Variants in NCOR2 observed in about 807,000 individuals in gnomAD.
The protein encoded by NCOR2 is CTG repeat protein 26.
A neutral mutation model predicts 262.9 loss-of-function variants in NCOR2; 81 were observed. The ratio of observed to expected loss-of-function variants is 0.31; its 90% CI spans 0.26 to 0.37. The LOEUF (loss-of-function observed/expected upper bound fraction) is 0.37. Among genes scored for constraint, NCOR2 ranks in the 10% least tolerant of loss-of-function variants. The pLI, the probability that NCOR2 is intolerant of heterozygous loss-of-function variation, is 1.00. For synonymous variants in NCOR2, 1,659 were observed against 1,559.3 expected (o/e 1.06, Z -1.51); for missense variants, 3,385 against 3,621.4 (o/e 0.93, Z 1.68).
intron 20 of NCOR2, among the ~76,000 whole-genome samples, chr12:124,368,924 G>A (rs1358418880): frequency 6.6e-6 from 1 of 152,248 alleles, no homozygotes; most frequent in African/African-American, 2.4e-5. Context: ...AGTAACAAAG[G>A]TGAAATTGCT....
At chr12:124,376,306 G>C (rs1384066337) in intron 18 of NCOR2, among the ~76,000 whole-genome samples, 3 of 152,238 alleles carry the variant, frequency 2.0e-5, no homozygotes, top group African/African-American at 7.2e-5. Context: ...AAGCGATGCG[G>C]GGGTCGTTGC....
intron 7 of NCOR2, among the ~76,000 whole-genome samples, chr12:124,442,850 T>C (rs547143321): frequency 6.6e-6 from 1 of 152,138 alleles, no homozygotes; most frequent in East Asian, 1.9e-4. Flanking sequence ...CAATGACTTA[T>C]GAAAAGGGGA....
intron 6 of NCOR2, among the ~76,000 whole-genome samples, chr12:124,451,248 G>A (rs923122450): frequency 1.3e-5 from 2 of 152,240 alleles, no homozygotes; most frequent in African/African-American, 4.8e-5. Flanking sequence ...CGCTGGCCAC[G>A]GAGGTGCAAG....
intron 1 of NCOR2, among the ~76,000 whole-genome samples, chr12:124,501,622 T>G (rs2048743261): frequency 1.3e-5 from 2 of 152,144 alleles, no homozygotes. Flanking sequence ...TTCCACTGCA[T>G]CTCCTGTCTC....
At chr12:124,535,709 G>C (rs544855714), upstream of NCOR2, 1 of 152,260 alleles carries the variant, frequency 6.6e-6, no homozygotes, top group Non-Finnish European at 1.5e-5. Flanking sequence ...TCTGCCGTCA[G>C]GGCCCATGTG....
chr12:124,374,427 T>C (rs2039822863), exon 19 of NCOR2: 1 of 1,612,814 alleles, frequency 6.2e-7, no homozygotes, highest in Admixed American at 1.7e-5. Flanking sequence ...GCCACTGCAT[T>C]CCCCTCTGGG....
chr12:124,406,136 A>G (rs1365093360), intron 13 of NCOR2, among the ~76,000 whole-genome samples: 1 of 152,214 alleles, frequency 6.6e-6, no homozygotes, highest in African/African-American at 2.4e-5. Context: ...GCCAGAGGAT[A>G]AGTATGCCGT....
intron 12 of NCOR2, 22 bp from the exon 15 acceptor site, chr12:124,420,077 C>T (rs372782920): frequency 1.5e-4 from 244 of 1,595,522 alleles, no homozygotes; most frequent in Non-Finnish European, 2.0e-4. Context: ...AGAAAGAGGA[C>T]GCTGAGCAGG....
intron 6 of NCOR2, among the ~76,000 whole-genome samples, 196 bp from the exon 9 acceptor site, chr12:124,450,063 G>A (rs974232591): frequency 6.6e-6 from 1 of 152,204 alleles, no homozygotes; most frequent in Non-Finnish European, 1.5e-5. Context: ...GGTTCCTCGG[G>A]AACAGCTGTG....
intron 3 of NCOR2, among the ~76,000 whole-genome samples, chr12:124,474,936 C>T (rs1445149055): frequency 6.6e-6 from 1 of 152,102 alleles, no homozygotes; most frequent in Non-Finnish European, 1.5e-5. Context: ...ATTCTCCGGA[C>T]AACTGCAGCC....
At chr12:124,431,820 GACAC>G (rs1165993842) in intron 8 of NCOR2, among the ~76,000 whole-genome samples, 1 of 145,910 alleles carries the variant, frequency 6.9e-6, no homozygotes, top group Non-Finnish European at 1.5e-5. Flanking sequence ...CAGACAGACA[GACAC>G]ACAGTCACAC....
chr12:124,496,495 G>A (rs2136915181), upstream of NCOR2, among the ~76,000 whole-genome samples: 1 of 152,258 alleles, frequency 6.6e-6, no homozygotes, highest in Non-Finnish European at 1.5e-5. This position sits in a 1 kb window ranked among gnomAD's most constrained non-coding sequence, Gnocchi z 4.4. Context: ...CAGTGGCGGA[G>A]GACTGAGGCT....
At chr12:124,361,044 C>A (rs7980316) in intron 22 of NCOR2, among the ~76,000 whole-genome samples, 100,971 of 150,588 alleles carry the variant, frequency 0.67, 36,543 homozygotes, top group Non-Finnish European at 0.8. Flanking sequence ...CCTCGGTGGA[C>A]CCCGGAGGCA....
At chr12:124,532,507 G>T (rs564340446) in intron 1 of NCOR2, among the ~76,000 whole-genome samples, 1 of 152,334 alleles carries the variant, frequency 6.6e-6, no homozygotes, top group South Asian at 2.1e-4. Context: ...GGAGCATCAG[G>T]TTCCCTCAGC....
Position 124,517,489 on chromosome 12 carries a change from G to T in NCOR2, c.-118+18076C>A, listed in dbSNP as rs552607214. On this transcript the variant is annotated intron_variant, in intron 1 of 46. Transcript: ENST00000404621. The surrounding 1 kb of genome is among the most constrained non-coding windows in gnomAD (Gnocchi z 7.6). Reference sequence around the variant, plus strand: ...TGGCGCTGATTTCAAACCAGACATGGGCACCGAGCCAAGCGCCACCTCGGT... The same window carrying T: ...TGGCGCTGATTTCAAACCAGACATGTGCACCGAGCCAAGCGCCACCTCGGT... Among the ~76,000 whole-genome samples, 6 of 152,310 alleles carry T rather than the reference G, an allele frequency of 3.9e-5. No homozygotes were observed. The South Asian group carries it at 1.2e-3, about 32-fold the overall frequency.
At chr12:124,346,675 G>A in exon 31 of NCOR2, 1 of 1,578,548 alleles carries the variant, frequency 6.3e-7, no homozygotes, top group African/African-American at 1.3e-5. Flanking sequence ...CCTTCACCGT[G>A]GCCACCAGGC....
At chr12:124,325,580 G>A in exon 47 of NCOR2, 1 of 1,280,764 alleles carries the variant, frequency 7.8e-7, no homozygotes, top group East Asian at 3.0e-5. Context: ...GAATGGCGTG[G>A]AACCTGCGGG....
At chr12:124,563,714 G>C (rs141565964) in intron 1 of NCOR2, among the ~76,000 whole-genome samples, 1 of 152,376 alleles carries the variant, frequency 6.6e-6, no homozygotes, top group Non-Finnish European at 1.5e-5. Context: ...GAATGTTTCA[G>C]ATAAAATGAG....
At chr12:124,486,497 G>C (rs372528448) in exon 2 of NCOR2, 2 of 1,610,626 alleles carry the variant, frequency 1.2e-6, no homozygotes, top group Admixed American at 1.7e-5. Flanking sequence ...GCTGGGGCTG[G>C]ATGATGGAGC....
Sources: gnomAD v4.1 joint callset for allele counts (sites outside exome capture counted in the v4.1 genomes callset) on GRCh38, gnomAD v4.1.1 for gene constraint, Gnocchi (gnomAD v3.1) non-coding constraint, MANE v1.5 for transcripts, NCBI Gene and HGNC (gene_info 2026-07-23, HGNC 2026-07-21) for gene names.